SLC17A5: variants seen among roughly 807,000 people sequenced by gnomAD.
SLC17A5 encodes solute carrier family 17 member 5.
SLC17A5 carries 47 observed loss-of-function variants against 59.4 expected under a neutral mutation model. That is an observed-to-expected ratio of 0.79 (90% CI 0.63 to 1.01). The LOEUF (loss-of-function observed/expected upper bound fraction) is 1.01. Among genes scored for constraint, SLC17A5 ranks in the 50% least tolerant of loss-of-function variants. The pLI, the probability that SLC17A5 is intolerant of heterozygous loss-of-function variation, is 0.00. For missense variants in SLC17A5, 522 were observed against 595.5 expected, an observed-to-expected ratio of 0.88 and a Z score of 1.28; for synonymous variants, 202 against 210.7, an observed-to-expected ratio of 0.96 and a Z score of 0.36.
chr6:73,621,883 G>A lies in SLC17A5; in HGVS notation c.899C>T (p.Ser300Phe), dbSNP rs142553916. The A allele has an allele frequency of 1.5e-3, 2,428 of 1,613,624 alleles. 7 individuals carry two copies. Among genetic ancestry groups the A allele is most frequent in the Non-Finnish European group, 1.8e-3 (2,169 of 1,179,592 alleles). Reference protein sequence around the residue: ...PLWAIVVAHFSYNWTFYTLLT... With the variant: ...PLWAIVVAHFFYNWTFYTLLT... Reference sequence around the variant, plus strand: ...TAAAGTATAAAAAGTCCAGTTGTAAGAAAAGTGTGCAACTACGATAGCCCA... The same window carrying A: ...TAAAGTATAAAAAGTCCAGTTGTAAAAAAAGTGTGCAACTACGATAGCCCA... The change falls in exon 7 of 11, where the codon TCT becomes TTT. Residue 300 changes from serine (S) to phenylalanine (F), a missense_variant. Around this residue, in one of 3 missense-constraint regions of SLC17A5, gnomAD observed 338 missense variants for 363.8 expected, o/e 0.93. Transcript: ENST00000355773.
At chr6:73,645,789 C>CAAAAAAAAAAAAAAAAAA (rs58205870) in intron 1 of SLC17A5, among the ~76,000 whole-genome samples, 1 of 76,068 alleles carries the variant, frequency 1.3e-5, no homozygotes, top group East Asian at 4.8e-4. Flanking sequence ...GACTCCGTCT[C>CAAAAAAAAAAAAAAAAAA]AAAAAAAAAA....
intron 7 of SLC17A5, among the ~76,000 whole-genome samples, chr6:73,618,927 G>A (rs1417160687): frequency 9.9e-5 from 15 of 152,162 alleles, no homozygotes; most frequent in East Asian, 1.9e-4. Context: ...GGATTTCACC[G>A]TGTTGCTCAG....
chr6:73,650,018 G>T (rs542768284), intron 1 of SLC17A5, among the ~76,000 whole-genome samples: 1 of 152,000 alleles, frequency 6.6e-6, no homozygotes, highest in Non-Finnish European at 1.5e-5. Flanking sequence ...CACCGAGATG[G>T]ATGTGATGAC....
chr6:73,652,507 A>C (rs2150126995), intron 1 of SLC17A5, among the ~76,000 whole-genome samples: 1 of 152,328 alleles, frequency 6.6e-6, no homozygotes, highest in Non-Finnish European at 1.5e-5. Context: ...ATTTGTGCTA[A>C]ATTTTGATTA....
chr6:73,627,643 TTTTG>T (rs1293945651), intron 6 of SLC17A5, among the ~76,000 whole-genome samples: 2 of 147,284 alleles, frequency 1.4e-5, no homozygotes, highest in Admixed American at 6.8e-5. Context: ...TTTTTTTTTT[TTTTG>T]AGAAGGAATC....
At chr6:73,601,212 A>G (rs1767062147) in intron 9 of SLC17A5, among the ~76,000 whole-genome samples, 1 of 143,634 alleles carries the variant, frequency 7.0e-6, no homozygotes, top group Non-Finnish European at 1.5e-5. Context: ...CTGGGATGTG[A>G]GGAGCGCCTC....
intron 6 of SLC17A5, among the ~76,000 whole-genome samples, chr6:73,629,020 G>A (rs1029184136): frequency 4.6e-5 from 7 of 152,188 alleles, no homozygotes; most frequent in Admixed American, 1.3e-4. Context: ...GTCCCCATTT[G>A]ATTTGCTTCG....
chr6:73,632,151 T>C (rs762172468), intron 6 of SLC17A5, among the ~76,000 whole-genome samples: 1 of 150,426 alleles, frequency 6.6e-6, no homozygotes, highest in Non-Finnish European at 1.5e-5. Context: ...AAAAAATAAT[T>C]AGCTAGGCAT....
chr6:73,610,685 T>A, intron 8 of SLC17A5, 138 bp from the exon 9 acceptor site: 1 of 862,136 alleles, frequency 1.2e-6, no homozygotes, highest in Non-Finnish European at 1.8e-6. Context: ...CTAACAAATT[T>A]CATGAGAAAA....
At chr6:73,645,903 A>C (rs1235456048) in intron 1 of SLC17A5, among the ~76,000 whole-genome samples, 1 of 151,662 alleles carries the variant, frequency 6.6e-6, no homozygotes, top group Non-Finnish European at 1.5e-5. Flanking sequence ...GCTTATGCAT[A>C]GTTTCTCTTT....
At chr6:73,632,673 C>A (rs9446959) in intron 6 of SLC17A5, among the ~76,000 whole-genome samples, 23,564 of 151,142 alleles carry the variant, frequency 0.16, 2,971 homozygotes, top group African/African-American at 0.32. Context: ...AATTCCTGGG[C>A]CCAAGCAATC....
chr6:73,646,758 G>A (rs1281443594), intron 1 of SLC17A5, among the ~76,000 whole-genome samples: 3 of 151,416 alleles, frequency 2.0e-5, no homozygotes, highest in South Asian at 4.2e-4. Flanking sequence ...CTGTAACCTC[G>A]AACCCCTGGA....
chr6:73,603,939 AC>A (rs1767279357), intron 9 of SLC17A5, among the ~76,000 whole-genome samples: 2 of 152,036 alleles, frequency 1.3e-5, no homozygotes, highest in Non-Finnish European at 2.9e-5. Context: ...CAAAAAAAAA[AC>A]ACTTAAAGGA....
chr6:73,653,569 G>A, intron 1 of SLC17A5: 1 of 818,050 alleles, frequency 1.2e-6, no homozygotes, highest in Non-Finnish European at 1.4e-6. Context: ...GCTCGGCTCC[G>A]CGATCACGGT....
At chr6:73,633,473 C>T (rs899772579) in intron 6 of SLC17A5, among the ~76,000 whole-genome samples, 6 of 151,950 alleles carry the variant, frequency 3.9e-5, no homozygotes, top group Admixed American at 2.6e-4. Flanking sequence ...CTCAAGAAAA[C>T]TGCCTGCCTT....
rs1561989819 is a variant in SLC17A5, at chr6:73,615,427, C to T, written c.999G>A (p.Leu333=). 6.2e-7 allele frequency: 1 copy of T among 1,613,630 alleles called. No homozygotes were observed. The highest frequency in any genetic ancestry group is 1.7e-5 in the Admixed American group (1 of 59,956). Residue 333 remains leucine, a synonymous_variant, in exon 8 of 11, where the codon TTG becomes TTA. Coordinates refer to ENST00000355773, the MANE Select transcript of SLC17A5 (RefSeq NM_012434.5). ...NVQENGFLSS[L]PYLGSWLCMI... ...TACATAACCAAGAGCCTAAATAAGG[C>T]AATGAAGATAAAAACCCATTCTGGA... is the stretch of plus-strand genomic sequence containing the variant.
At chr6:73,598,669 T>A (rs573464319) in intron 10 of SLC17A5, among the ~76,000 whole-genome samples, 6 of 152,042 alleles carry the variant, frequency 3.9e-5, no homozygotes, top group African/African-American at 1.4e-4. Context: ...GGTAAGTGTG[T>A]GCTTTTCCTT....
At chr6:73,616,233 G>A (rs1179699803) in intron 7 of SLC17A5, among the ~76,000 whole-genome samples, 2 of 152,042 alleles carry the variant, frequency 1.3e-5, no homozygotes, top group African/African-American at 4.8e-5. Flanking sequence ...AACTTTGCCA[G>A]CCTTGCCAGA....
rs71674685 is a variant in SLC17A5 at position 73,615,880 on chromosome 6, C to CTTTTTTT, written c.979-440_979-434dup. On this transcript the variant is annotated intron_variant, in intron 7 of 10. Transcript: ENST00000355773. ...CATAAACATAGCTTAATGAATCATT[C>CTTTTTTT]TTTTTTTTTTTTTTTTTTTTTTTGA... Among the ~76,000 whole-genome samples the CTTTTTTT allele has an allele frequency of 4.2e-4, 41 of 97,570 alleles. 1 individual carries two copies. Among genetic ancestry groups the CTTTTTTT allele is most frequent in the Non-Finnish European group, 5.4e-4 (26 of 48,170 alleles). The allele number at this position is 97,570 out of a possible 152,430, so 64.0% of individuals were successfully genotyped here.
Sources: allele counts gnomAD v4.1 joint callset (sites outside exome capture counted in the v4.1 genomes callset), GRCh38; gene constraint gnomAD v4.1.1; regional missense constraint gnomAD v4.1.1; transcripts MANE v1.5; gene names NCBI Gene and HGNC (gene_info 2026-07-23, HGNC 2026-07-21).